THOC1: variants seen among roughly 807,000 people sequenced by gnomAD.
The protein encoded by THOC1 is THO complex subunit 1.
THOC1 carries 29 observed loss-of-function variants against 97.3 expected under a neutral mutation model. The ratio of observed to expected loss-of-function variants is 0.30; its 90% confidence interval spans 0.22 to 0.41. The LOEUF is 0.41. Among genes scored for constraint, THOC1 ranks in the 10% least tolerant of loss-of-function variants. The pLI, the probability that THOC1 is intolerant of heterozygous loss-of-function variation, is 1.00. For missense variants in THOC1, 529 were observed against 761.9 expected (o/e 0.69, Z 3.60); for synonymous variants, 255 against 257.0 (o/e 0.99, Z 0.07).
chr18:232,548 A>G (rs1469912932), intron 11 of THOC1, among the ~76,000 whole-genome samples: 1 of 151,810 alleles, frequency 6.6e-6, no homozygotes, highest in Admixed American at 6.6e-5. Context: ...ACTTTCATTT[A>G]CAAATACATC....
At chr18:223,896 CAAAAT>C (rs1364452338) in intron 16 of THOC1, among the ~76,000 whole-genome samples, 183 bp downstream of exon 16, 3 of 152,096 alleles carry the variant, frequency 2.0e-5, no homozygotes, top group African/African-American at 7.2e-5. Context: ...AAGCTGGAGA[CAAAAT>C]GAAGGTTTAT....
chr18:227,683 TGGAACACTGAA>T (rs1296907658), intron 11 of THOC1, among the ~76,000 whole-genome samples: 1 of 152,160 alleles, frequency 6.6e-6, no homozygotes, highest in African/African-American at 2.4e-5. Context: ...ATTATGTGCA[TGGAACACTGAA>T]GGAAGGCTGA....
At chr18:241,356 T>C (rs1233063986) in intron 11 of THOC1, among the ~76,000 whole-genome samples, 1 of 152,220 alleles carries the variant, frequency 6.6e-6, no homozygotes, top group Admixed American at 6.5e-5. Flanking sequence ...AGAATGACTA[T>C]ATGGATAGTT....
intron 7 of THOC1, among the ~76,000 whole-genome samples, chr18:257,611 C>A (rs1912476200): frequency 6.6e-6 from 1 of 151,936 alleles, no homozygotes; most frequent in African/African-American, 2.4e-5. Flanking sequence ...TAGCAATGAG[C>A]ACATCTTCTC....
chr18:234,944 A>G (rs1911622013), intron 11 of THOC1, among the ~76,000 whole-genome samples: 1 of 152,076 alleles, frequency 6.6e-6, no homozygotes, highest in Admixed American at 6.6e-5. Flanking sequence ...TAACTTCTGA[A>G]AATTTTCATT....
chr18:257,408 G>A (rs1281780924), intron 7 of THOC1, among the ~76,000 whole-genome samples: 2 of 152,168 alleles, frequency 1.3e-5, no homozygotes, highest in South Asian at 2.1e-4. Context: ...GTTAGAGAAA[G>A]AGGTTAATAA....
In THOC1 at chr18:252,534, C is replaced by T; in HGVS notation, c.677+5G>A. The T allele has an allele frequency of 1.9e-6, 3 of 1,610,088 alleles. No individual in the cohort carries two copies. Among genetic ancestry groups the T allele is most frequent in the Non-Finnish European group, 1.7e-6 (2 of 1,176,998 alleles). On this transcript the variant is annotated splice_donor_5th_base_variant and intron_variant, in intron 9 of 20. Transcript: ENST00000261600. ...AATCAAAAAGCTTAGGCTCTGAAAA[C>T]TCACCACGTTGTTGGAGCTTCCTCG...
chr18:252,431 T>G lies in THOC1; in HGVS notation c.677+108A>C. The G allele has an allele frequency of 6.0e-6, 5 of 838,122 alleles. No homozygotes were observed. In the South Asian group the frequency reaches 7.6e-5, roughly 13 times the overall value. The allele number at this position is 838,122 out of a possible 1,614,324, so 51.9% of individuals were successfully genotyped here. ...CATGAAAATTACAAATGAAAGAAATTTCTTATAATTTCTTTCCTCCTTGTC... is the reference window on the plus strand; with the variant it reads ...CATGAAAATTACAAATGAAAGAAATGTCTTATAATTTCTTTCCTCCTTGTC... On this transcript the variant is annotated intron_variant, in intron 9 of 20. Transcript: ENST00000261600.
At chr18:224,684 ATTC>A (rs200887112) in intron 15 of THOC1, among the ~76,000 whole-genome samples, 4,717 of 152,218 alleles carry the variant, frequency 0.031, 226 homozygotes, top group African/African-American at 0.11. Context: ...GATATACAGT[ATTC>A]TTCTCAATAA....
At chr18:215,179 G>C (rs1910830641) in intron 20 of THOC1, among the ~76,000 whole-genome samples, 1 of 152,154 alleles carries the variant, frequency 6.6e-6, no homozygotes. Context: ...ATAATTAACA[G>C]AGGTATGGGT....
intron 11 of THOC1, among the ~76,000 whole-genome samples, chr18:228,471 CTAAGAGACATATTATGGATAT>C (rs1165937868): frequency 1.3e-5 from 2 of 151,806 alleles, no homozygotes; most frequent in Non-Finnish European, 2.9e-5. Context: ...GTTATGTGGG[CTAAGAGACATATTATGGATAT>C]TATGTAGGTA....
chr18:235,433 ACT>A (rs1359838799), intron 11 of THOC1, among the ~76,000 whole-genome samples: 3 of 151,282 alleles, frequency 2.0e-5, no homozygotes, highest in Non-Finnish European at 4.4e-5. Flanking sequence ...TCAATTTGTC[ACT>A]CTTTCTTGAC....
intron 9 of THOC1, among the ~76,000 whole-genome samples, chr18:249,775 A>C (rs1008385438): frequency 1.3e-5 from 2 of 152,216 alleles, no homozygotes; most frequent in African/African-American, 4.8e-5. Flanking sequence ...ACAAGAACCA[A>C]TATTTGTATA....
chr18:254,583 T>G lies in THOC1; in HGVS notation c.521-228A>C, dbSNP rs79941676. ...ACAGTTTCTTGTTTTTTTAAATAAA[T>G]TGAATGGCAACCCTGCATCGTGCAA... is the stretch of plus-strand genomic sequence containing the variant. On this transcript the variant is annotated intron_variant, in intron 7 of 20. Coordinates refer to ENST00000261600, the MANE Select transcript of THOC1 (RefSeq NM_005131.3). This position sits in a 1 kb window ranked among gnomAD's most constrained non-coding sequence, Gnocchi z 4.1. Among the ~76,000 whole-genome samples, 1 of 152,206 alleles carries G rather than the reference T, an allele frequency of 6.6e-6. No individual in the cohort carries two copies. Among genetic ancestry groups the G allele is most frequent in the Non-Finnish European group, 1.5e-5 (1 of 68,028 alleles).
At chr18:234,382 A>G (rs1777742876) in intron 11 of THOC1, among the ~76,000 whole-genome samples, 1 of 152,222 alleles carries the variant, frequency 6.6e-6, no homozygotes, top group South Asian at 2.1e-4. Flanking sequence ...AATACTTTCT[A>G]AAGTTTCATA....
chr18:247,722 T>C lies in THOC1; in HGVS notation c.786+127A>G, dbSNP rs561144150. The C allele has an allele frequency of 4.6e-5, 28 of 610,156 alleles. 1 individual carries two copies. The South Asian group carries it at 5.7e-4, about 12-fold the overall frequency. 37.8% of individuals were successfully genotyped at this position (610,156 alleles called of 1,614,324 possible). A position where few individuals can be genotyped will look rare whatever the true frequency, so the allele number is the denominator to read the frequency against. On this transcript the variant is annotated intron_variant, in intron 10 of 20. Coordinates refer to ENST00000261600, the MANE Select transcript of THOC1 (RefSeq NM_005131.3). ...TATTAATTTATAATTTCACTTGTTA[T>C]GAAATTGGTATAAAAATGTAAGAGG... is the stretch of plus-strand genomic sequence containing the variant.
chr18:242,941 C>T lies in THOC1; in HGVS notation c.918+3383G>A, dbSNP rs1911956864. On this transcript the variant is annotated intron_variant, in intron 11 of 20. Transcript: ENST00000261600. The surrounding 1 kb of genome is among the most constrained non-coding windows in gnomAD (Gnocchi z 4.5). Reference sequence around the variant, plus strand: ...AAAATGTTGCATATTTTCCATGATACACGTAATGCATTACAAATATTTTCA... The same window carrying T: ...AAAATGTTGCATATTTTCCATGATATACGTAATGCATTACAAATATTTTCA... 6.6e-6 allele frequency among the ~76,000 whole-genome samples: 1 copy of T among 152,122 alleles called. No homozygotes were observed. The highest frequency in any genetic ancestry group is 2.1e-4 in the South Asian group (1 of 4,828).
intron 7 of THOC1, among the ~76,000 whole-genome samples, chr18:258,304 A>G (rs995118501): frequency 5.3e-5 from 8 of 152,166 alleles, no homozygotes; most frequent in Non-Finnish European, 8.8e-5. Context: ...GAAGAAAGAA[A>G]GGAAAAAAAA....
chr18:261,867 C>T (rs1224289440), intron 4 of THOC1, among the ~76,000 whole-genome samples: 1 of 152,162 alleles, frequency 6.6e-6, no homozygotes, highest in African/African-American at 2.4e-5. Context: ...AATAGATTCA[C>T]TGGTGGTTCT....
Sources: gnomAD v4.1 joint callset for allele counts (sites outside exome capture counted in the v4.1 genomes callset) on GRCh38, gnomAD v4.1.1 for gene constraint, Gnocchi (gnomAD v3.1) non-coding constraint, MANE v1.5 for transcripts, NCBI Gene and HGNC (gene_info 2026-07-23, HGNC 2026-07-21) for gene names.